DAP: variants seen among roughly 807,000 people sequenced by gnomAD.
DAP encodes death-associated protein 1.
A neutral mutation model predicts 13.8 loss-of-function variants in DAP; 8 were observed. That is an observed-to-expected ratio of 0.58 (90% CI 0.34 to 1.05). The LOEUF (loss-of-function observed/expected upper bound fraction) is 1.05, where lower values mean the gene tolerates loss of function less well. Among genes scored for constraint, DAP ranks in the 50% least tolerant of loss-of-function variants. The probability of loss-of-function intolerance (pLI) is 0.03; values close to 1 mark genes in which losing one functional copy is unlikely to be tolerated. For synonymous variants in DAP, 47 were observed against 47.5 expected (o/e 0.99, Z 0.04); for missense variants, 106 against 133.2 (o/e 0.80, Z 1.01).
intron 1 of DAP, among the ~76,000 whole-genome samples, chr5:10,756,625 T>C (rs946780219): frequency 1.3e-5 from 2 of 152,200 alleles, no homozygotes; most frequent in Admixed American, 6.5e-5. Flanking sequence ...GTAAGATTAG[T>C]AACATTCAAA....
chr5:10,680,538 G>A lies in DAP; in HGVS notation c.*518C>T, dbSNP rs915110946. On this transcript the variant is annotated 3_prime_UTR_variant, in exon 4 of 4. Transcript: ENST00000230895. The stretch of plus-strand genomic sequence containing the variant: ...GCCTGCACAGGATCCCCCATCTCAC[G>A]AGAGAGGGAAATTTGGCATTGCTGT... 12 of 615,444 alleles carry A rather than the reference G, an allele frequency of 1.9e-5. No individual in the cohort carries two copies. Among genetic ancestry groups the A allele is most frequent in the Middle Eastern group, 2.9e-4 (1 of 3,488 alleles). 38.1% of individuals were successfully genotyped at this position (615,444 alleles called of 1,614,324 possible).
At chr5:10,744,302 A>G (rs1739844838) in intron 2 of DAP, among the ~76,000 whole-genome samples, 2 of 152,254 alleles carry the variant, frequency 1.3e-5, no homozygotes, top group African/African-American at 2.4e-5. Context: ...ATAAAACTTT[A>G]GGATCAGGGT....
chr5:10,761,151 G>C lies in DAP; in HGVS notation c.-83C>G. ...CGTGCGCGAGTGAGCTCAGGTGTGA[G>C]CGCCGGGGAGCGAGCGGGCGGGAGA... On this transcript the variant is annotated 5_prime_UTR_variant, in exon 1 of 4. Coordinates refer to ENST00000230895, the MANE Select transcript of DAP (RefSeq NM_004394.3). 1 of 792,392 alleles carries C rather than the reference G, an allele frequency of 1.3e-6. No individual in the cohort carries two copies. The highest frequency in any genetic ancestry group is 1.7e-6 in the Non-Finnish European group (1 of 602,528). The allele number at this position is 792,392 out of a possible 1,614,324, so 49.1% of individuals were successfully genotyped here.
chr5:10,760,728 C>T (rs1561040157), intron 1 of DAP, among the ~76,000 whole-genome samples: 1 of 152,222 alleles, frequency 6.6e-6, no homozygotes, highest in South Asian at 2.1e-4. Flanking sequence ...CTGGGTTCGC[C>T]CAAGGCACCG....
intron 1 of DAP, among the ~76,000 whole-genome samples, chr5:10,760,787 A>G (rs548676349): frequency 3.3e-5 from 5 of 152,010 alleles, no homozygotes; most frequent in South Asian, 2.1e-4. Context: ...GGTCCTCAGG[A>G]AGAAACGCTT....
chr5:10,700,354 T>C (rs1316774599), intron 2 of DAP, among the ~76,000 whole-genome samples: 2 of 152,118 alleles, frequency 1.3e-5, no homozygotes, highest in Non-Finnish European at 2.9e-5. Flanking sequence ...CCACCATCTC[T>C]AAGGACAGCT....
chr5:10,715,150 A>T (rs1181494576), intron 2 of DAP, among the ~76,000 whole-genome samples: 1 of 152,118 alleles, frequency 6.6e-6, no homozygotes, highest in Non-Finnish European at 1.5e-5. Flanking sequence ...AGTTATATGG[A>T]CAGTTGCTGA....
chr5:10,680,605 AT>A lies in DAP; in HGVS notation c.*450del, dbSNP rs1737959537. On this transcript the variant is annotated 3_prime_UTR_variant, in exon 4 of 4. Transcript: ENST00000230895. ...CCTTTATGAGGGGCCGCCCAAACTCATTCCCTTAGTTCTTACTCTCCCACAG... is the reference window on the plus strand; with the variant it reads ...CCTTTATGAGGGGCCGCCCAAACTCATCCCTTAGTTCTTACTCTCCCACAG... The A allele has an allele frequency of 3.2e-6, 3 of 927,490 alleles. No homozygotes were observed. The highest frequency in any genetic ancestry group is 4.7e-6 in the Non-Finnish European group (3 of 632,318). The allele number at this position is 927,490 out of a possible 1,614,324, so 57.5% of individuals were successfully genotyped here.
chr5:10,680,736 C>T lies in DAP; in HGVS notation c.*320G>A. 1 of 1,536,174 alleles carries T rather than the reference C, an allele frequency of 6.5e-7. No individual in the cohort carries two copies. The highest frequency in any genetic ancestry group is 8.7e-7 in the Non-Finnish European group (1 of 1,146,850). On this transcript the variant is annotated 3_prime_UTR_variant, in exon 4 of 4. Coordinates refer to ENST00000230895, the MANE Select transcript of DAP (RefSeq NM_004394.3). ...ATGTGTGCCTTCTTGTTTTTAAGAC[C>T]ATAGACAAGGACGTCAGGTGACTGC...
At chr5:10,697,832 A>G (rs1422893754) in intron 2 of DAP, among the ~76,000 whole-genome samples, 1 of 152,214 alleles carries the variant, frequency 6.6e-6, no homozygotes, top group South Asian at 2.1e-4. Context: ...AAATGGGACC[A>G]GCTGTCACTA....
chr5:10,745,411 T>G (rs1332445451), intron 2 of DAP, among the ~76,000 whole-genome samples: 1 of 152,218 alleles, frequency 6.6e-6, no homozygotes, highest in Non-Finnish European at 1.5e-5. Flanking sequence ...ACAAAAGCCT[T>G]GCTCATGTGC....
rs1427534809 is a variant in DAP at position 10,680,922 on chromosome 5, A to C, written c.*134T>G. The C allele has an allele frequency of 3.9e-6, 6 of 1,538,434 alleles. No individual in the cohort carries two copies. Among genetic ancestry groups the C allele is most frequent in the Non-Finnish European group, 5.2e-6 (6 of 1,146,992 alleles). On this transcript the variant is annotated 3_prime_UTR_variant, in exon 4 of 4. Coordinates refer to ENST00000230895, the MANE Select transcript of DAP (RefSeq NM_004394.3). ...GTTTTAAATATGGAAATGTAAGGCA[A>C]AGGACAGAGCACTTGGTTTTGCCTT...
At chr5:10,694,914 T>C (rs3797113) in intron 2 of DAP, among the ~76,000 whole-genome samples, 11,770 of 152,262 alleles carry the variant, frequency 0.077, 648 homozygotes, top group East Asian at 0.28. Flanking sequence ...TCAGAATCCA[T>C]AGCTTTGTGC....
intron 2 of DAP, among the ~76,000 whole-genome samples, chr5:10,693,128 A>ACG (rs764309235): frequency 3.5e-5 from 2 of 57,100 alleles, no homozygotes; most frequent in Admixed American, 1.6e-4. Context: ...GCACACGCAC[A>ACG]CACACACACA....
intron 2 of DAP, among the ~76,000 whole-genome samples, chr5:10,695,691 CTG>C (rs1738422792): frequency 6.6e-6 from 1 of 152,314 alleles, no homozygotes; most frequent in East Asian, 1.9e-4. Flanking sequence ...TTCCAGGACA[CTG>C]TGATTTCAGG....
At chr5:10,712,211 C>T (rs558184201) in intron 2 of DAP, among the ~76,000 whole-genome samples, 1 of 152,266 alleles carries the variant, frequency 6.6e-6, no homozygotes, top group South Asian at 2.1e-4. Context: ...ATGAGAAAGG[C>T]CTCAGAAGGA....
At chr5:10,688,577 TATTC>T (rs550890210) in intron 2 of DAP, among the ~76,000 whole-genome samples, 2 of 152,224 alleles carry the variant, frequency 1.3e-5, no homozygotes, top group Non-Finnish European at 1.5e-5. Flanking sequence ...TGCCTGTACA[TATTC>T]ATTATTGAAA....
rs1282381888 is a variant in DAP at position 10,680,646 on chromosome 5, T to C, written c.*410A>G. On this transcript the variant is annotated 3_prime_UTR_variant, in exon 4 of 4. Coordinates refer to ENST00000230895, the MANE Select transcript of DAP (RefSeq NM_004394.3). ...CTCTCCCACAGGTGTTGAGATTTTA[T>C]TGGCCCATACTAAAAAGCATGCAAT... 11 of 1,228,578 alleles carry C rather than the reference T, an allele frequency of 9.0e-6. No individual in the cohort carries two copies. The highest frequency in any genetic ancestry group is 1.1e-5 in the Non-Finnish European group (10 of 892,208). The allele number at this position is 1,228,578 out of a possible 1,614,324, so 76.1% of individuals were successfully genotyped here.
chr5:10,694,707 C>G (rs1354428427), intron 2 of DAP, among the ~76,000 whole-genome samples: 1 of 152,206 alleles, frequency 6.6e-6, no homozygotes, highest in African/African-American at 2.4e-5. Flanking sequence ...AGTGGGAGGA[C>G]AGGGTACCCT....
Sources: allele counts gnomAD v4.1 joint callset (sites outside exome capture counted in the v4.1 genomes callset), GRCh38; gene constraint gnomAD v4.1.1; transcripts MANE v1.5; gene names NCBI Gene and HGNC (gene_info 2026-07-23, HGNC 2026-07-21).